Variants in SGCZ observed in about 807,000 individuals in gnomAD.
The protein encoded by SGCZ is sarcoglycan zeta.
In SGCZ, 40 loss-of-function variants were observed where a neutral mutation model predicts 41.3. The ratio of observed to expected loss-of-function variants is 0.97; its 90% confidence interval spans 0.75 to 1.26. The LOEUF (loss-of-function observed/expected upper bound fraction) is 1.26. Ranked by LOEUF, SGCZ falls within the 50% of genes most tolerant of loss-of-function variation. The pLI is 0.00. For synonymous variants in SGCZ, 206 were observed against 137.5 expected, an observed-to-expected ratio of 1.50 and a Z score of -3.49; for missense variants, 552 against 369.8, an observed-to-expected ratio of 1.49 and a Z score of -4.04.
chr8:14,922,421 T>C (rs1024536588), intron 1 of SGCZ, among the ~76,000 whole-genome samples: 4 of 152,148 alleles, frequency 2.6e-5, no homozygotes, highest in African/African-American at 7.2e-5. Flanking sequence ...CGAGTGAATA[T>C]GGGCTACCTA....
chr8:14,808,302 A>G (rs900955652), intron 1 of SGCZ, among the ~76,000 whole-genome samples: 2 of 152,082 alleles, frequency 1.3e-5, no homozygotes, highest in African/African-American at 2.4e-5. Flanking sequence ...GCAACCTACA[A>G]AATGGGAGAA....
At chr8:14,166,509 C>A (rs1347653962) in intron 4 of SGCZ, among the ~76,000 whole-genome samples, 4 of 152,132 alleles carry the variant, frequency 2.6e-5, no homozygotes, top group African/African-American at 9.7e-5. Flanking sequence ...CACACATTAA[C>A]CCTGAACTGC....
chr8:14,733,223 T>C (rs565970599), intron 1 of SGCZ, among the ~76,000 whole-genome samples: 1 of 152,222 alleles, frequency 6.6e-6, no homozygotes, highest in East Asian at 1.9e-4. Context: ...CTAGGGACAA[T>C]CTAGGCAGCT....
At chr8:14,902,510 A>G (rs902325754) in intron 1 of SGCZ, among the ~76,000 whole-genome samples, 1 of 152,154 alleles carries the variant, frequency 6.6e-6, no homozygotes. Context: ...TAACCTAAAC[A>G]TAAATATAAA....
At chr8:14,434,562 T>A (rs1300497557) in intron 2 of SGCZ, among the ~76,000 whole-genome samples, 1 of 152,186 alleles carries the variant, frequency 6.6e-6, no homozygotes, top group African/African-American at 2.4e-5. Context: ...TTTGGCAGTG[T>A]GGTCATTTTC....
chr8:14,515,072 C>T (rs963593261), intron 2 of SGCZ, among the ~76,000 whole-genome samples: 1 of 151,930 alleles, frequency 6.6e-6, no homozygotes, highest in African/African-American at 2.4e-5. Context: ...CAACTTTGCT[C>T]TAGGGAAAAT....
chr8:14,983,136 T>A (rs766816409), intron 1 of SGCZ, among the ~76,000 whole-genome samples: 1 of 152,168 alleles, frequency 6.6e-6, no homozygotes, highest in Non-Finnish European at 1.5e-5. Flanking sequence ...ATTATGTACC[T>A]GCTGGTGCTT....
intron 2 of SGCZ, among the ~76,000 whole-genome samples, chr8:14,539,556 T>C (rs1016472774): frequency 3.3e-5 from 5 of 151,936 alleles, no homozygotes; most frequent in Admixed American, 3.3e-4. Context: ...TTTTTAAACT[T>C]ATTTTAAGTT....
chr8:14,658,892 G>GA (rs1293137402), intron 1 of SGCZ, among the ~76,000 whole-genome samples: 2 of 150,840 alleles, frequency 1.3e-5, no homozygotes, highest in South Asian at 2.1e-4. Context: ...AAGAAAGAAA[G>GA]AAAAAAATGA....
At chr8:14,390,086 T>A (rs1350050549) in intron 2 of SGCZ, among the ~76,000 whole-genome samples, 1 of 151,994 alleles carries the variant, frequency 6.6e-6, no homozygotes, top group Non-Finnish European at 1.5e-5. Context: ...ATAAATAGAC[T>A]ATGAATTTTA....
intron 4 of SGCZ, among the ~76,000 whole-genome samples, chr8:14,213,084 T>C (rs1219587891): frequency 1.3e-5 from 2 of 152,028 alleles, no homozygotes; most frequent in Non-Finnish European, 2.9e-5. Flanking sequence ...GCAAAAGATA[T>C]AATATTTGTG....
chr8:14,868,155 T>C (rs1804001231), intron 1 of SGCZ, among the ~76,000 whole-genome samples: 1 of 152,130 alleles, frequency 6.6e-6, no homozygotes, highest in African/African-American at 2.4e-5. Flanking sequence ...TTGAATATTT[T>C]TACTGAAATC....
At position 15,187,902 on chromosome 8, in the gene SGCZ, G is replaced by A. The variant is rs144908420; in HGVS notation, c.39+49683C>T. ...AATAAACTCACCAAATACTATTTATGAAAATGATTAAGGAATAGGAGAAAA... is the reference window on the plus strand; with the variant it reads ...AATAAACTCACCAAATACTATTTATAAAAATGATTAAGGAATAGGAGAAAA... On this transcript the variant is annotated intron_variant, in intron 1 of 7. Transcript: ENST00000382080. 3.4e-3 allele frequency among the ~76,000 whole-genome samples: 516 copies of A among 151,960 alleles called. 1 individual carries two copies. The highest frequency in any genetic ancestry group is 0.011 in the African/African-American group (471 of 41,514).
chr8:14,866,999 G>A (rs1295691065), intron 1 of SGCZ, among the ~76,000 whole-genome samples: 2 of 152,204 alleles, frequency 1.3e-5, no homozygotes, highest in East Asian at 3.9e-4. Flanking sequence ...GTGGTCTGAT[G>A]GAAGTAACTG....
chr8:14,399,437 T>A (rs2410188), intron 2 of SGCZ, among the ~76,000 whole-genome samples: 8,944 of 152,182 alleles, frequency 0.059, 370 homozygotes, highest in Non-Finnish European at 0.095. Flanking sequence ...GCTGGACTTC[T>A]GTTTTTTAAA....
chr8:15,097,446 G>GA (rs1011396362), intron 1 of SGCZ, among the ~76,000 whole-genome samples: 26 of 150,860 alleles, frequency 1.7e-4, no homozygotes, highest in East Asian at 3.9e-4. Context: ...TGCTGAGTGT[G>GA]AAAAAAAAAT....
At chr8:15,174,510 T>C (rs1382064661) in intron 1 of SGCZ, among the ~76,000 whole-genome samples, 1 of 152,194 alleles carries the variant, frequency 6.6e-6, no homozygotes, top group Non-Finnish European at 1.5e-5. Context: ...TACAAAAGTA[T>C]ACTTTATGTA....
chr8:14,721,306 T>A (rs1253759868), intron 1 of SGCZ, among the ~76,000 whole-genome samples: 2 of 152,154 alleles, frequency 1.3e-5, no homozygotes, highest in African/African-American at 2.4e-5. Flanking sequence ...GAACCAGAGA[T>A]TTATGTATCC....
chr8:14,999,424 G>C (rs958457529), intron 1 of SGCZ, among the ~76,000 whole-genome samples: 10 of 152,158 alleles, frequency 6.6e-5, no homozygotes, highest in Admixed American at 4.6e-4. Context: ...GGGTTAGCCA[G>C]GCAAAGGAGG....
Sources: allele counts gnomAD v4.1 joint callset (sites outside exome capture counted in the v4.1 genomes callset), GRCh38; gene constraint gnomAD v4.1.1; transcripts MANE v1.5; gene names NCBI Gene and HGNC (gene_info 2026-07-23, HGNC 2026-07-21).